FSTL4: variants seen among roughly 807,000 people sequenced by gnomAD.
FSTL4 encodes the protein follistatin like 4, also known as follistatin-related protein 4.
Under a neutral mutation model 78.2 loss-of-function variants are expected in FSTL4, and 28 were observed. That is an observed-to-expected ratio of 0.36 (90% CI 0.27 to 0.49). The LOEUF is 0.49. FSTL4 is among the 20% of genes least tolerant of loss of function. The pLI, the probability that FSTL4 is intolerant of heterozygous loss-of-function variation, is 0.98. For synonymous variants in FSTL4, 422 were observed against 440.5 expected (o/e 0.96, Z 0.53); for missense variants, 922 against 1,084.9 (o/e 0.85, Z 2.11).
At chr5:133,815,004 C>T in the FSTL4 span, among the ~76,000 whole-genome samples, 3 of 152,178 alleles carry the variant, frequency 2.0e-5, no homozygotes, top group South Asian at 6.2e-4. Context: ...CCCAGGGCCT[C>T]ACCACAGAAC....
At chr5:133,785,770 T>A in the FSTL4 span, among the ~76,000 whole-genome samples, 3 of 152,158 alleles carry the variant, frequency 2.0e-5, no homozygotes, top group Non-Finnish European at 4.4e-5. Context: ...GTCATGGCTA[T>A]GTCTGGGACA....
chr5:133,313,917 C>T (rs1008088070), intron 5 of FSTL4, among the ~76,000 whole-genome samples: 14 of 152,114 alleles, frequency 9.2e-5, no homozygotes, highest in Non-Finnish European at 4.4e-5. Flanking sequence ...CCACTTTAGC[C>T]GGGCTCTGCT....
chr5:133,209,914 G>A, intron 14 of FSTL4: 1 of 322,996 alleles, frequency 3.1e-6, no homozygotes, highest in Non-Finnish European at 5.8e-6. Context: ...GGAGCTATTG[G>A]CTCAAGAGAG....
chr5:133,385,059 G>T (rs572238933), intron 4 of FSTL4, among the ~76,000 whole-genome samples: 1 of 152,052 alleles, frequency 6.6e-6, no homozygotes, highest in African/African-American at 2.4e-5. Context: ...CCGTTGTCGC[G>T]CTCCCCACCC....
intron 6 of FSTL4, among the ~76,000 whole-genome samples, chr5:133,299,465 G>A (rs970781618): frequency 2.6e-5 from 4 of 152,158 alleles, no homozygotes; most frequent in Admixed American, 6.5e-5. Flanking sequence ...CTAACCAGGC[G>A]GCGGCTGGCA....
At chr5:133,241,570 T>C (rs774389016) in intron 7 of FSTL4, among the ~76,000 whole-genome samples, 1 of 152,084 alleles carries the variant, frequency 6.6e-6, no homozygotes, top group Non-Finnish European at 1.5e-5. Context: ...CTCCAGAGTG[T>C]TATGTAGTAG....
chr5:133,656,956 A>G, the FSTL4 span, among the ~76,000 whole-genome samples: 1 of 152,192 alleles, frequency 6.6e-6, no homozygotes, highest in Admixed American at 6.5e-5. Context: ...TACTGTTGGT[A>G]AGAATTAATG....
chr5:133,424,878 G>T (rs1756773801), intron 3 of FSTL4, among the ~76,000 whole-genome samples: 1 of 152,220 alleles, frequency 6.6e-6, no homozygotes, highest in African/African-American at 2.4e-5. Flanking sequence ...GAAATGTAAG[G>T]CACTTAGCAT....
At chr5:133,313,305 C>T (rs1753833107) in intron 5 of FSTL4, among the ~76,000 whole-genome samples, 1 of 152,206 alleles carries the variant, frequency 6.6e-6, no homozygotes, top group Non-Finnish European at 1.5e-5. Context: ...CCAGACCCCT[C>T]CGTTCTATCC....
the FSTL4 span, among the ~76,000 whole-genome samples, chr5:133,680,098 C>T: frequency 1.3e-5 from 2 of 152,268 alleles, no homozygotes; most frequent in Admixed American, 1.3e-4. Flanking sequence ...GTCAAACAAC[C>T]TCTGCTGGCT....
intron 3 of FSTL4, among the ~76,000 whole-genome samples, chr5:133,420,908 G>C (rs1756679362): frequency 6.6e-6 from 1 of 152,264 alleles, no homozygotes; most frequent in African/African-American, 2.4e-5. Flanking sequence ...TGACGGGACA[G>C]TGGAGAATGT....
At chr5:133,577,316 G>T (rs77183324) in intron 2 of FSTL4, among the ~76,000 whole-genome samples, 1 of 152,148 alleles carries the variant, frequency 6.6e-6, no homozygotes, top group South Asian at 2.1e-4. Context: ...GAAAAACACC[G>T]AAGGGGTGCT....
chr5:133,756,629 C>T, the FSTL4 span, among the ~76,000 whole-genome samples: 5 of 152,084 alleles, frequency 3.3e-5, no homozygotes, highest in African/African-American at 1.2e-4. Flanking sequence ...CTTCTCACAC[C>T]CACTGAGTGC....
intron 3 of FSTL4, among the ~76,000 whole-genome samples, chr5:133,516,067 A>C (rs1370483389): frequency 6.6e-6 from 1 of 152,156 alleles, no homozygotes; most frequent in Non-Finnish European, 1.5e-5. Context: ...ACGTGCCATG[A>C]CCAAGGAGGA....
chr5:133,398,242 G>A (rs1035880274), intron 4 of FSTL4, among the ~76,000 whole-genome samples: 1 of 152,192 alleles, frequency 6.6e-6, no homozygotes, highest in Admixed American at 6.5e-5. Flanking sequence ...CTCCCTATGG[G>A]AATGATCGAG....
rs568497439 is a variant in FSTL4 at position 133,300,822 on chromosome 5, T to C, written c.727+11832A>G. 6.6e-5 allele frequency among the ~76,000 whole-genome samples: 10 copies of C among 151,970 alleles called. No homozygotes were observed. The South Asian group carries it at 2.1e-3, about 32-fold the overall frequency. On this transcript the variant is annotated intron_variant, in intron 6 of 15. Coordinates refer to ENST00000265342, the MANE Select transcript of FSTL4 (RefSeq NM_015082.2). ...GTGGGAGCTGAGAAGGAGTGGATAT[T>C]TGATGGGGTTTGGGTTTGAGAGAAA...
rs17166561 is a variant in FSTL4 at position 133,317,048 on chromosome 5, T to C, written c.410-396A>G. On this transcript the variant is annotated intron_variant, in intron 4 of 15. Coordinates refer to ENST00000265342, the MANE Select transcript of FSTL4 (RefSeq NM_015082.2). Reference sequence around the variant, plus strand: ...ATTTTGTAATCACTGGTTTTTGCCTTAATCCTACCTTAAAGGCTGCTTTTG... The same window carrying C: ...ATTTTGTAATCACTGGTTTTTGCCTCAATCCTACCTTAAAGGCTGCTTTTG... Among the ~76,000 whole-genome samples the C allele has an allele frequency of 8.8e-3, 1,337 of 152,266 alleles. 17 individuals carry two copies. The highest frequency in any genetic ancestry group is 0.028 in the African/African-American group (1,172 of 41,536).
the FSTL4 span, among the ~76,000 whole-genome samples, chr5:133,830,712 T>C: frequency 6.6e-6 from 1 of 152,216 alleles, no homozygotes. Flanking sequence ...CAGCACTCCC[T>C]GCTCCGTGCT....
chr5:133,720,297 T>C, the FSTL4 span, among the ~76,000 whole-genome samples: 1 of 152,238 alleles, frequency 6.6e-6, no homozygotes, highest in South Asian at 2.1e-4. Flanking sequence ...AACCTGTAAA[T>C]ACAAACTATC....
Sources: gnomAD v4.1 joint callset for allele counts (sites outside exome capture counted in the v4.1 genomes callset) on GRCh38, gnomAD v4.1.1 for gene constraint, MANE v1.5 for transcripts, NCBI Gene and HGNC (gene_info 2026-07-23, HGNC 2026-07-21) for gene names.